COL17A1: variants seen among roughly 807,000 people sequenced by gnomAD.
COL17A1 encodes collagen type XVII alpha 1 chain, also known as collagen alpha-1(XVII) chain.
COL17A1 carries 181 observed loss-of-function variants against 218.4 expected under a neutral mutation model. That is an observed-to-expected ratio of 0.83 (90% confidence interval 0.73 to 0.94). The LOEUF is 0.94. COL17A1 is among the 40% of genes least tolerant of loss of function. COL17A1 has a pLI of 0.00. For synonymous variants in COL17A1, 721 were observed against 731.0 expected (o/e 0.99, Z 0.22); for missense variants, 1,924 against 1,945.9 (o/e 0.99, Z 0.21).
chr10:104,040,855 C>T (rs1210980742), intron 39 of COL17A1, among the ~76,000 whole-genome samples: 3 of 152,186 alleles, frequency 2.0e-5, no homozygotes. Context: ...GAGCTGGCTC[C>T]CTCCCTCAGG....
At position 104,059,271 on chromosome 10, in the gene COL17A1, A is replaced by C. The variant is rs373503894; in HGVS notation, c.1222+367T>G. On this transcript the variant is annotated intron_variant, in intron 15 of 55. Transcript: ENST00000648076. The stretch of plus-strand genomic sequence containing the variant: ...GTCAAGAAATGTGGTTATCAGACAA[A>C]GAACGCAGATATTTGGGAAGAAAAA... The C allele has an allele frequency of 6.0e-5, 19 of 316,628 alleles. No individual in the cohort carries two copies. In the East Asian group the frequency reaches 1.3e-3, roughly 22 times the overall value. 19.6% of individuals were successfully genotyped at this position (316,628 alleles called of 1,614,324 possible). A position where few individuals can be genotyped will look rare whatever the true frequency, so the allele number is the denominator to read the frequency against.
At chr10:104,050,922 T>C (rs1338788289) in intron 25 of COL17A1, 21 bp from the exon 26 acceptor site, 4 of 1,614,094 alleles carry the variant, frequency 2.5e-6, no homozygotes, top group East Asian at 4.5e-5. Context: ...GAAGAAACCA[T>C]GCACACAGAT....
rs376556766 is a variant in COL17A1 at position 104,070,467 on chromosome 10, C to G, written c.566G>C (p.Gly189Ala). ...TGTCACAATTTTGGTCTCCACAGTGCCTTTCTTGGGGATGGGGAGTGTGTT... is the reference window on the plus strand; with the variant it reads ...TGTCACAATTTTGGTCTCCACAGTGGCTTTCTTGGGGATGGGGAGTGTGTT... ...SSNTLPIPKK[G>A]TVETKIVTAS... Residue 189 changes from glycine to alanine, a missense_variant, in exon 9 of 56, where the codon GGC becomes GCC. Coordinates refer to ENST00000648076, the MANE Select transcript of COL17A1 (RefSeq NM_000494.4). 2,153 of 1,614,164 alleles carry G rather than the reference C, an allele frequency of 1.3e-3. 52 individuals are homozygous for G. The South Asian group carries it at 0.022, about 17-fold the overall frequency.
chr10:104,043,916 A>C, intron 33 of COL17A1, 56 bp from the exon 34 acceptor site: 1 of 1,596,300 alleles, frequency 6.3e-7, no homozygotes, highest in South Asian at 1.1e-5. Context: ...TTAGTGGCTC[A>C]ATAAGCCATT....
intron 5 of COL17A1, among the ~76,000 whole-genome samples, chr10:104,074,881 C>CT (rs1182073387): frequency 1.3e-5 from 2 of 152,224 alleles, no homozygotes; most frequent in East Asian, 3.9e-4. Context: ...TGTTAAACTC[C>CT]TTGGCCACCT....
intron 1 of COL17A1, among the ~76,000 whole-genome samples, chr10:104,081,975 G>T (rs1418052704): frequency 6.6e-6 from 1 of 152,180 alleles, no homozygotes; most frequent in Non-Finnish European, 1.5e-5. Context: ...TCTAGGGACC[G>T]TGAAAGTCAT....
rs758819405 is a variant in COL17A1, at chr10:104,041,564, A to C, written c.2552-26T>G. On this transcript the variant is annotated intron_variant, in intron 36 of 55. Coordinates refer to ENST00000648076, the MANE Select transcript of COL17A1 (RefSeq NM_000494.4). Reference sequence around the variant, plus strand: ...CTATAGAGAGAAGAAAATAGAAATGAGCAAAAGCTGTCACGAGGCTGCTCT... The same window carrying C: ...CTATAGAGAGAAGAAAATAGAAATGCGCAAAAGCTGTCACGAGGCTGCTCT... 4.0e-5 allele frequency: 64 copies of C among 1,604,308 alleles called. No homozygotes were observed. The South Asian group carries it at 5.3e-4, about 13-fold the overall frequency.
intron 28 of COL17A1, 26 bp downstream of exon 28, chr10:104,050,063 A>T (rs1225480046): frequency 6.2e-7 from 1 of 1,613,952 alleles, no homozygotes; most frequent in African/African-American, 1.3e-5. Flanking sequence ...TGGATAGATT[A>T]AAGTAGATTC....
At chr10:104,045,916 C>T (rs1414207487) in intron 32 of COL17A1, 123 bp from the exon 33 acceptor site, 27 of 829,336 alleles carry the variant, frequency 3.3e-5, no homozygotes, top group Non-Finnish European at 5.0e-5. Flanking sequence ...CTGGGACGCA[C>T]CAGCTTTGCC....
intron 52 of COL17A1, 142 bp downstream of exon 52, chr10:104,033,803 G>T: frequency 7.6e-7 from 1 of 1,313,050 alleles, no homozygotes; most frequent in Non-Finnish European, 1.1e-6. Context: ...CTGAGAGCTA[G>T]GCTGGGGCTG....
chr10:104,059,262 A>G (rs765314581), intron 15 of COL17A1: 1 of 309,792 alleles, frequency 3.2e-6, no homozygotes, highest in Non-Finnish European at 6.3e-6. Flanking sequence ...AAATGTGGTT[A>G]TCAGACAAAG....
intron 10 of COL17A1, 83 bp from the exon 11 acceptor site, chr10:104,063,901 A>C: frequency 1.3e-6 from 2 of 1,587,042 alleles, no homozygotes; most frequent in African/African-American, 1.3e-5. Context: ...GAAGCACCAG[A>C]AGAAATGCCA....
At chr10:104,058,359 A>T (rs2086551411) in intron 15 of COL17A1, among the ~76,000 whole-genome samples, 169 bp from the exon 16 acceptor site, 1 of 152,252 alleles carries the variant, frequency 6.6e-6, no homozygotes, top group African/African-American at 2.4e-5. Context: ...TGCGATAATT[A>T]CATCCATGAA....
At position 104,041,073 on chromosome 10, in the gene COL17A1, G is replaced by A. The variant is rs776045346; in HGVS notation, c.2693C>T (p.Ser898Phe). The A allele has an allele frequency of 2.3e-5, 37 of 1,614,064 alleles. No individual in the cohort carries two copies. The highest frequency in any genetic ancestry group is 1.5e-4 in the Admixed American group (9 of 60,004). The change falls in exon 39 of 56, where the codon TCC becomes TTC. Residue 898 changes from serine to phenylalanine, a missense_variant. By Grantham distance (155) the Ser-to-Phe change is radical. Coordinates refer to ENST00000648076, the MANE Select transcript of COL17A1 (RefSeq NM_000494.4). ...GPPGPPGSFL[S>F]NSETFLSGPP... Reference sequence around the variant, plus strand: ...TGACTCCCTGACATTACCTGAGTTGGACAGGAACGATCCTGGTGGGCCTGG... The same window carrying A: ...TGACTCCCTGACATTACCTGAGTTGAACAGGAACGATCCTGGTGGGCCTGG...
chr10:104,041,117 C>T lies in COL17A1; in HGVS notation c.2649G>A (p.Gly883=). The change falls in exon 39 of 56, where the codon GGG becomes GGA. Residue 883 remains glycine (G), a splice_region_variant and synonymous_variant. Coordinates refer to ENST00000648076, the MANE Select transcript of COL17A1 (RefSeq NM_000494.4). Reference sequence around the variant, plus strand: ...GGCCTGGTGGGCCTGGCAAACCCTCCCCTAGGAAAGAGAACCCCCAAGACT... The same window carrying T: ...GGCCTGGTGGGCCTGGCAAACCCTCTCCTAGGAAAGAGAACCCCCAAGACT... ...PGPPGPRGPP[G]EGLPGPPGPP... The T allele has an allele frequency of 6.2e-7, 1 of 1,606,464 alleles. No individual in the cohort carries two copies. Among genetic ancestry groups the T allele is most frequent in the South Asian group, 1.1e-5 (1 of 90,780 alleles).
At chr10:104,050,060 A>G (rs762115978) in intron 28 of COL17A1, 29 bp downstream of exon 28, 1 of 1,614,036 alleles carries the variant, frequency 6.2e-7, no homozygotes, top group Non-Finnish European at 8.5e-7. Context: ...TCGTGGATAG[A>G]TTAAAGTAGA....
At chr10:104,052,346 T>A in intron 23 of COL17A1, 129 bp from the exon 24 acceptor site, 1 of 1,189,296 alleles carries the variant, frequency 8.4e-7, no homozygotes, top group Non-Finnish European at 1.2e-6. Context: ...GGTGCCCCAG[T>A]GAGGCCACTT....
chr10:104,035,046 C>A (rs2086262133), intron 50 of COL17A1, among the ~76,000 whole-genome samples: 1 of 152,184 alleles, frequency 6.6e-6, no homozygotes, highest in Non-Finnish European at 1.5e-5. Context: ...CGGCCCTAAT[C>A]ACACACCGGG....
At chr10:104,062,661 C>T (rs1276224210) in intron 11 of COL17A1, among the ~76,000 whole-genome samples, 5 of 152,172 alleles carry the variant, frequency 3.3e-5, no homozygotes, top group Non-Finnish European at 5.9e-5. Context: ...TCCTGTGACA[C>T]CCTGGGGTGC....
Sources: gnomAD v4.1 joint callset for allele counts (sites outside exome capture counted in the v4.1 genomes callset) on GRCh38, gnomAD v4.1.1 for gene constraint, MANE v1.5 for transcripts, NCBI Gene and HGNC (gene_info 2026-07-23, HGNC 2026-07-21) for gene names.